SNTG1: variants seen among roughly 807,000 people sequenced by gnomAD.
The protein encoded by SNTG1 is syntrophin gamma 1.
Under a neutral mutation model 74.7 loss-of-function variants are expected in SNTG1, and 39 were observed. That is an observed-to-expected ratio of 0.52 (90% CI 0.40 to 0.68). The LOEUF is 0.68. Ranked by LOEUF, SNTG1 falls within the 30% of genes least tolerant of loss-of-function variation. The pLI is 0.00. For synonymous variants in SNTG1, 254 were observed against 217.1 expected, an observed-to-expected ratio of 1.17 and a Z score of -1.49; for missense variants, 685 against 609.5, an observed-to-expected ratio of 1.12 and a Z score of -1.30.
chr8:50,483,001 C>G lies in SNTG1; in HGVS notation c.364-19777C>G, dbSNP rs145646480. ...CTTTGGGACTCTCTTGGAAAAGAAGCAAGGCTTGAAGTAGAATAGTAGACT... is the reference window on the plus strand; with the variant it reads ...CTTTGGGACTCTCTTGGAAAAGAAGGAAGGCTTGAAGTAGAATAGTAGACT... On this transcript the variant is annotated intron_variant, in intron 8 of 18. Coordinates refer to ENST00000642720, the MANE Select transcript of SNTG1 (RefSeq NM_018967.5). Among the ~76,000 whole-genome samples, 523 of 152,162 alleles carry G rather than the reference C, an allele frequency of 3.4e-3. 3 individuals carry two copies. Among genetic ancestry groups the G allele is most frequent in the Admixed American group, 5.6e-3 (86 of 15,284 alleles).
At chr8:50,652,677 G>A (rs1274570750) in intron 13 of SNTG1, among the ~76,000 whole-genome samples, 3 of 151,868 alleles carry the variant, frequency 2.0e-5, no homozygotes, top group Non-Finnish European at 4.4e-5. Flanking sequence ...GGCACCTTTA[G>A]TCCCGGTTAC....
At chr8:50,484,133 T>TTTCTTTCC (rs1563453385) in intron 8 of SNTG1, among the ~76,000 whole-genome samples, 3 of 77,392 alleles carry the variant, frequency 3.9e-5, no homozygotes, top group Admixed American at 2.8e-4. Context: ...TCTTTCTTTC[T>TTTCTTTCC]TTCCTTCTTT....
At chr8:50,614,036 C>G (rs1056010864) in intron 13 of SNTG1, among the ~76,000 whole-genome samples, 4 of 152,066 alleles carry the variant, frequency 2.6e-5, no homozygotes, top group Non-Finnish European at 5.9e-5. Flanking sequence ...AAAACAGACA[C>G]TGGAGCTGGA....
intron 13 of SNTG1, among the ~76,000 whole-genome samples, chr8:50,638,556 A>C (rs1166810678): frequency 1.3e-5 from 2 of 152,140 alleles, no homozygotes; most frequent in Non-Finnish European, 2.9e-5. Flanking sequence ...GAGCAGGAGA[A>C]AATTGTGCCT....
intron 2 of SNTG1, among the ~76,000 whole-genome samples, chr8:50,320,563 G>T (rs2090488207): frequency 6.6e-6 from 1 of 150,510 alleles, no homozygotes. Context: ...TTTGTGTTTG[G>T]TGTTCTGTTG....
chr8:50,036,708 A>G (rs1905657), intron 1 of SNTG1, among the ~76,000 whole-genome samples: 134,110 of 152,200 alleles, frequency 0.88, 59,185 homozygotes, highest in East Asian at 0.99. Flanking sequence ...GTATAAATGT[A>G]TATTTATTTC....
intron 1 of SNTG1, among the ~76,000 whole-genome samples, chr8:50,049,961 T>C (rs1819427810): frequency 6.6e-6 from 1 of 151,898 alleles, no homozygotes; most frequent in Non-Finnish European, 1.5e-5. Flanking sequence ...GCAAAAGCAA[T>C]GTTTAGAGGA....
At chr8:50,104,946 T>C (rs2080307102) in intron 1 of SNTG1, among the ~76,000 whole-genome samples, 2 of 152,130 alleles carry the variant, frequency 1.3e-5, no homozygotes, top group East Asian at 1.9e-4. Flanking sequence ...TAGACTGTTG[T>C]AGGATGCAGA....
intron 1 of SNTG1, among the ~76,000 whole-genome samples, chr8:50,108,687 C>T (rs910586318): frequency 1.3e-5 from 2 of 152,002 alleles, no homozygotes; most frequent in African/African-American, 4.8e-5. Context: ...GCTTTTGTTC[C>T]ATTTATAGAA....
intron 15 of SNTG1, among the ~76,000 whole-genome samples, chr8:50,681,466 C>T (rs570239589): frequency 3.9e-5 from 6 of 152,062 alleles, no homozygotes; most frequent in South Asian, 4.1e-4. Flanking sequence ...ATGTACACAT[C>T]GCATAATTTT....
rs534829090 is a variant in SNTG1 at position 50,051,996 on chromosome 8, C to T, written c.-102-120565C>T. On this transcript the variant is annotated intron_variant, in intron 1 of 18. Coordinates refer to ENST00000642720, the MANE Select transcript of SNTG1 (RefSeq NM_018967.5). ...AGATGTTTATACCTCCAAAACTGAC[C>T]TAAAGAAACAATGCTTTCCTTATCA... Among the ~76,000 whole-genome samples, 5 of 152,006 alleles carry T rather than the reference C, an allele frequency of 3.3e-5. No individual in the cohort carries two copies. The East Asian group carries it at 9.7e-4, about 29-fold the overall frequency.
At chr8:50,319,145 A>G (rs1282358253) in intron 2 of SNTG1, among the ~76,000 whole-genome samples, 1 of 152,096 alleles carries the variant, frequency 6.6e-6, no homozygotes, top group African/African-American at 2.4e-5. Context: ...GCTCGATTCT[A>G]TTTATTTAAC....
At chr8:50,592,437 C>T (rs938257172) in intron 13 of SNTG1, among the ~76,000 whole-genome samples, 2 of 152,048 alleles carry the variant, frequency 1.3e-5, no homozygotes, top group African/African-American at 4.8e-5. Context: ...CGCTGATAGC[C>T]CCAAAGCTAT....
At chr8:50,027,490 G>A (rs1022809167) in intron 1 of SNTG1, among the ~76,000 whole-genome samples, 2 of 152,162 alleles carry the variant, frequency 1.3e-5, no homozygotes, top group Admixed American at 6.5e-5. Flanking sequence ...TATGGATTAG[G>A]GTGGCTCCTA....
chr8:50,596,624 G>T (rs2094728965), intron 13 of SNTG1, among the ~76,000 whole-genome samples: 1 of 151,964 alleles, frequency 6.6e-6, no homozygotes, highest in Non-Finnish European at 1.5e-5. Context: ...GACTCCAAAT[G>T]CTGTTGCCTT....
At chr8:50,664,486 T>C (rs1247155219) in intron 15 of SNTG1, among the ~76,000 whole-genome samples, 1 of 152,182 alleles carries the variant, frequency 6.6e-6, no homozygotes, top group Non-Finnish European at 1.5e-5. Context: ...ACTTATTGAG[T>C]ACTTTTTCTC....
At chr8:50,083,011 G>A (rs186199541) in intron 1 of SNTG1, among the ~76,000 whole-genome samples, 43 of 152,204 alleles carry the variant, frequency 2.8e-4, no homozygotes, top group African/African-American at 1.0e-3. Context: ...TCCCAATGAA[G>A]TGAGTCCTTT....
chr8:50,154,996 G>A (rs1336677144), intron 1 of SNTG1, among the ~76,000 whole-genome samples: 2 of 152,138 alleles, frequency 1.3e-5, no homozygotes, highest in African/African-American at 4.8e-5. Context: ...GTAATTCTGT[G>A]TACTATACTT....
At chr8:50,071,463 G>GTATACA (rs781364254) in intron 1 of SNTG1, among the ~76,000 whole-genome samples, 9 of 151,868 alleles carry the variant, frequency 5.9e-5, no homozygotes, top group South Asian at 2.1e-4. Flanking sequence ...TATTATATAC[G>GTATACA]TATACATATA....
Sources: allele counts gnomAD v4.1 joint callset (sites outside exome capture counted in the v4.1 genomes callset), GRCh38; gene constraint gnomAD v4.1.1; transcripts MANE v1.5; gene names NCBI Gene and HGNC (gene_info 2026-07-23, HGNC 2026-07-21).